The following ZNF391 variants were observed in gnomAD, a reference collection of about 807,000 sequenced individuals.
ZNF391 encodes the protein zinc finger protein 391.
For missense variants in ZNF391, 375 were observed against 425.5 expected, an observed-to-expected ratio of 0.88 and a Z score of 1.04; for synonymous variants, 126 against 142.1, an observed-to-expected ratio of 0.89 and a Z score of 0.80.
At position 27,376,602 on chromosome 6, in the gene ZNF391, T is replaced by C. The variant is rs186868121; in HGVS notation, n.523+1465T>C. Reference sequence around the variant, plus strand: ...TCTCTGGGATCCAGTCTCTTCATACTTAAAATAGAAACGAAATCAGTTTCC... The same window carrying C: ...TCTCTGGGATCCAGTCTCTTCATACCTAAAATAGAAACGAAATCAGTTTCC... On this transcript the variant is annotated intron_variant and non_coding_transcript_variant, in intron 1 of 2. Coordinates refer to the ZNF391 transcript ENST00000477999. The surrounding 1 kb of genome is among the most constrained non-coding windows in gnomAD (Gnocchi z 4.7). 2.2e-3 allele frequency among the ~76,000 whole-genome samples: 330 copies of C among 152,278 alleles called. 1 individual carries two copies. The highest frequency in any genetic ancestry group is 3.4e-3 in the Non-Finnish European group (229 of 68,024).
At chr6:27,382,625 G>A (rs1013908840) in intron 1 of ZNF391, among the ~76,000 whole-genome samples, 1 of 152,190 alleles carries the variant, frequency 6.6e-6, no homozygotes, top group African/African-American at 2.4e-5. Flanking sequence ...TGAAGTCTCT[G>A]ATGGGTAAAG....
At chr6:27,397,871 C>G (rs1243553131) in intron 1 of ZNF391, among the ~76,000 whole-genome samples, 1 of 152,174 alleles carries the variant, frequency 6.6e-6, no homozygotes. Flanking sequence ...CTCAACTGAT[C>G]CACCCGCCTC....
intron 1 of ZNF391, among the ~76,000 whole-genome samples, chr6:27,394,308 C>T (rs1761777350): frequency 6.6e-6 from 1 of 152,236 alleles, no homozygotes; most frequent in Non-Finnish European, 1.5e-5. Flanking sequence ...TGCACCACTC[C>T]AGGAGGCTGC....
Position 27,402,850 on chromosome 6 carries a change from C to T in ZNF391, c.*1403C>T, listed in dbSNP as rs1029332371. On this transcript the variant is annotated 3_prime_UTR_variant, in exon 3 of 3. Transcript: ENST00000244576. ...CAAACAATTCTCCCACCTCGGCTTCCGAAAACACTGACATTACAGGTGTGA... is the reference window on the plus strand; with the variant it reads ...CAAACAATTCTCCCACCTCGGCTTCTGAAAACACTGACATTACAGGTGTGA... 3.9e-5 allele frequency: 6 copies of T among 152,104 alleles called. No homozygotes were observed. Among genetic ancestry groups the T allele is most frequent in the East Asian group, 1.9e-4 (1 of 5,194 alleles). The allele number at this position is 152,104 out of a possible 1,614,324, so 9.4% of individuals were successfully genotyped here. A position where few individuals can be genotyped will look rare whatever the true frequency, so the allele number is the denominator to read the frequency against.
rs181365629 is a variant in ZNF391 at position 27,401,932 on chromosome 6, A to T, written c.*485A>T. 115 of 153,838 alleles carry T rather than the reference A, an allele frequency of 7.5e-4. No homozygotes were observed. The highest frequency in any genetic ancestry group is 3.9e-3 in the Admixed American group (60 of 15,540). The allele number at this position is 153,838 out of a possible 1,614,324, so 9.5% of individuals were successfully genotyped here. On this transcript the variant is annotated 3_prime_UTR_variant, in exon 3 of 3. Transcript: ENST00000244576. ...TGTCTTCATACTTGCTGGCTCTAGT[A>T]CCAGAAGAGAGGGATCTGGCTTCAG...
In ZNF391 at chr6:27,400,319, C is replaced by T. The variant is rs369841796; in HGVS notation, c.-52C>T. On this transcript the variant is annotated 5_prime_UTR_variant, in exon 3 of 3. Coordinates refer to ENST00000244576, the MANE Select transcript of ZNF391 (RefSeq NM_001076781.3). ...TAGGGGGATTTGAGCTGAACCAAAG[C>T]ATCAACACCAATCAGACTGTTTCCG... The T allele has an allele frequency of 2.9e-5, 42 of 1,424,510 alleles. No individual in the cohort carries two copies. The African/African-American group carries it at 4.9e-4, about 17-fold the overall frequency. 88.2% of individuals were successfully genotyped at this position (1,424,510 alleles called of 1,614,324 possible).
intron 1 of ZNF391, among the ~76,000 whole-genome samples, chr6:27,392,602 G>A (rs1761738713): frequency 6.6e-6 from 1 of 152,156 alleles, no homozygotes; most frequent in African/African-American, 2.4e-5. Context: ...GAGATTTACT[G>A]CAGCCTTTCA....
In ZNF391 at chr6:27,400,655, CTTAA is replaced by C. The variant is rs779517310; in HGVS notation, c.290_293del (p.Ile97AsnfsTer139). 3 of 1,614,116 alleles carry C rather than the reference CTTAA, an allele frequency of 1.9e-6. No homozygotes were observed. The highest frequency in any genetic ancestry group is 1.1e-5 in the South Asian group (1 of 91,084). On this transcript the variant is annotated frameshift_variant, in exon 3 of 3. Coordinates refer to ENST00000244576, the MANE Select transcript of ZNF391 (RefSeq NM_001076781.3). LOFTEE classifies it low-confidence loss of function (END_TRUNC). ...GGAAAAACTCCAAAGATAATTCAGACTTAATTAAACACCAAAGACTTTTCTCACA... is the reference window on the plus strand; with the variant it reads ...GGAAAAACTCCAAAGATAATTCAGACTTAAACACCAAAGACTTTTCTCACA...
At chr6:27,377,055 C>A (rs1194958048) in intron 1 of ZNF391, among the ~76,000 whole-genome samples, 1 of 152,108 alleles carries the variant, frequency 6.6e-6, no homozygotes, top group Non-Finnish European at 1.5e-5. Flanking sequence ...GAATTGTCAA[C>A]AACTGAGTCA....
intron 1 of ZNF391, among the ~76,000 whole-genome samples, chr6:27,398,716 G>A (rs1202023061): frequency 6.6e-6 from 1 of 152,110 alleles, no homozygotes; most frequent in Non-Finnish European, 1.5e-5. Context: ...AAACTAGCCG[G>A]GGTGTGGTGG....
At chr6:27,400,266 G>A in intron 2 of ZNF391, 27 bp from the exon 3 acceptor site, 1 of 928,484 alleles carries the variant, frequency 1.1e-6, no homozygotes, top group Non-Finnish European at 1.6e-6. Flanking sequence ...AGATACAGAT[G>A]ACATTTACAC....
chr6:27,390,978 A>G (rs1319573980), intron 1 of ZNF391: 1 of 152,128 alleles, frequency 6.6e-6, no homozygotes, highest in Non-Finnish European at 1.5e-5. Flanking sequence ...TTTGACCCTC[A>G]GGAAGAAGTA....
chr6:27,400,708 A>C lies in ZNF391; in HGVS notation c.338A>C (p.Glu113Ala), dbSNP rs1373552724. 1.2e-6 allele frequency: 2 copies of C among 1,613,894 alleles called. No individual in the cohort carries two copies. The highest frequency in any genetic ancestry group is 2.2e-5 in the South Asian group (2 of 91,070). ...FSQRKPCKCN[E>A]CEKAFSYQSD... ...CAAAGAAAACCTTGTAAATGCAATGAATGTGAAAAAGCCTTTAGTTACCAA... is the reference window on the plus strand; with the variant it reads ...CAAAGAAAACCTTGTAAATGCAATGCATGTGAAAAAGCCTTTAGTTACCAA... The change falls in exon 3 of 3, where the codon GAA (glutamate) becomes GCA (alanine). Residue 113 changes from glutamate (E) to alanine (A), a missense_variant. Transcript: ENST00000244576.
At chr6:27,378,771 C>T (rs940486900) in intron 1 of ZNF391, among the ~76,000 whole-genome samples, 19 of 152,174 alleles carry the variant, frequency 1.2e-4, no homozygotes, top group Admixed American at 4.6e-4. Flanking sequence ...CAAATAAGAA[C>T]ATTTTTATTA....
chr6:27,399,083 A>G (rs9468117), intron 1 of ZNF391, among the ~76,000 whole-genome samples: 108,309 of 152,024 alleles, frequency 0.71, 38,785 homozygotes, highest in Middle Eastern at 0.82. Context: ...CTGTATTTCT[A>G]AGGCTCTTTC....
intron 1 of ZNF391, among the ~76,000 whole-genome samples, chr6:27,397,394 C>G (rs907464849): frequency 6.6e-6 from 1 of 152,162 alleles, no homozygotes; most frequent in Non-Finnish European, 1.5e-5. Flanking sequence ...CCCCCATGAT[C>G]CAACCATCTC....
At chr6:27,398,271 G>A (rs1443239500) in intron 1 of ZNF391, among the ~76,000 whole-genome samples, 1 of 152,144 alleles carries the variant, frequency 6.6e-6, no homozygotes, top group East Asian at 1.9e-4. Flanking sequence ...AATACACAAG[G>A]ACTCCAAGTG....
At chr6:27,380,846 G>A (rs565507993) in intron 1 of ZNF391, among the ~76,000 whole-genome samples, 1 of 152,200 alleles carries the variant, frequency 6.6e-6, no homozygotes, top group South Asian at 2.1e-4. Flanking sequence ...AGTGTCGATT[G>A]GTGCATTCAC....
At chr6:27,398,066 C>A (rs4711149) in intron 1 of ZNF391, among the ~76,000 whole-genome samples, 108,331 of 152,054 alleles carry the variant, frequency 0.71, 38,787 homozygotes, top group Middle Eastern at 0.82. Context: ...CAGCATCATC[C>A]TGTTACTTGA....
Sources: gnomAD v4.1 joint callset for allele counts (sites outside exome capture counted in the v4.1 genomes callset) on GRCh38, gnomAD v4.1.1 for gene constraint, Gnocchi (gnomAD v3.1) non-coding constraint, MANE v1.5 for transcripts, NCBI Gene and HGNC (gene_info 2026-07-23, HGNC 2026-07-21) for gene names.